The following CUL2 variants were observed in gnomAD, a reference collection of about 807,000 sequenced individuals.
CUL2 encodes cullin-2.
CUL2 carries 22 observed loss-of-function variants against 110.2 expected under a neutral mutation model. The observed-to-expected ratio is 0.20, with a 90% CI of 0.14 to 0.28. CUL2 has a LOEUF of 0.28. Ranked by LOEUF, CUL2 falls within the 10% of genes least tolerant of loss-of-function variation. CUL2 has a pLI of 1.00. For missense variants in CUL2, 631 were observed against 905.5 expected, an observed-to-expected ratio of 0.70 and a Z score of 3.89; for synonymous variants, 279 against 293.2, an observed-to-expected ratio of 0.95 and a Z score of 0.49.
intron 1 of CUL2, among the ~76,000 whole-genome samples, chr10:35,118,003 A>C (rs1442765097): frequency 6.6e-6 from 1 of 152,198 alleles, no homozygotes; most frequent in Non-Finnish European, 1.5e-5. Context: ...CTGCACCAGC[A>C]TGTTCTACTT....
intron 1 of CUL2, among the ~76,000 whole-genome samples, chr10:35,124,873 A>G (rs898453790): frequency 1.3e-5 from 2 of 152,182 alleles, no homozygotes; most frequent in Admixed American, 1.3e-4. Context: ...TGAGGAGGGA[A>G]TATAAGGGTG....
intron 14 of CUL2, among the ~76,000 whole-genome samples, chr10:35,029,875 A>G (rs1420636948): frequency 6.6e-6 from 1 of 152,226 alleles, no homozygotes; most frequent in Non-Finnish European, 1.5e-5. Context: ...ATCTAGGAAC[A>G]ATAAATCTCC....
chr10:35,048,760 A>G (rs2086015966), intron 6 of CUL2, among the ~76,000 whole-genome samples: 9 of 152,238 alleles, frequency 5.9e-5, no homozygotes, highest in Admixed American at 4.6e-4. Flanking sequence ...TCAAGTTACT[A>G]GTTGTTACCA....
chr10:35,093,388 A>G (rs987532722), upstream of CUL2, among the ~76,000 whole-genome samples: 14 of 151,898 alleles, frequency 9.2e-5, no homozygotes, highest in African/African-American at 3.4e-4. Context: ...CAATTGACAG[A>G]CTTGGTGGCT....
chr10:35,011,211 ATTTTTTT>A (rs5784437), intron 20 of CUL2, among the ~76,000 whole-genome samples: 44,064 of 133,602 alleles, frequency 0.33, 6,789 homozygotes, highest in Non-Finnish European at 0.36. Flanking sequence ...TAATTTTTTA[ATTTTTTT>A]TTTTTTTTTT....
chr10:35,080,772 T>C (rs1288825694), intron 1 of CUL2, among the ~76,000 whole-genome samples: 1 of 152,104 alleles, frequency 6.6e-6, no homozygotes, highest in Non-Finnish European at 1.5e-5. Flanking sequence ...TCTAGTAGGT[T>C]TTTTACAAAA....
At chr10:35,024,518 T>A (rs7069513) in intron 17 of CUL2, among the ~76,000 whole-genome samples, 4,518 of 152,178 alleles carry the variant, frequency 0.03, 223 homozygotes, top group African/African-American at 0.1. Context: ...AAAGAGAAAA[T>A]TCAAGTGTCT....
intron 2 of CUL2, among the ~76,000 whole-genome samples, chr10:35,067,515 T>G (rs996545608): frequency 6.6e-6 from 1 of 152,116 alleles, no homozygotes; most frequent in Non-Finnish European, 1.5e-5. Context: ...TTTAGGAGGC[T>G]GAGGTGGGGG....
chr10:35,121,288 C>T (rs1024075242), intron 1 of CUL2, among the ~76,000 whole-genome samples: 3 of 152,054 alleles, frequency 2.0e-5, no homozygotes, highest in African/African-American at 4.8e-5. Context: ...AGTGCTGTGG[C>T]GCGATCTCAG....
rs574592610 is a variant in CUL2, at chr10:35,037,651, C to T, written c.877+1269G>A. Among the ~76,000 whole-genome samples the T allele has an allele frequency of 6.6e-5, 10 of 151,786 alleles. No homozygotes were observed. In the South Asian group the frequency reaches 8.3e-4, roughly 13 times the overall value. Reference sequence around the variant, plus strand: ...ACGAGCTCAGGAGTTCGAGACCAGCCGGCCAACATAGTGAAACCTCGTCTC... The same window carrying T: ...ACGAGCTCAGGAGTTCGAGACCAGCTGGCCAACATAGTGAAACCTCGTCTC... On this transcript the variant is annotated intron_variant, in intron 9 of 20. Coordinates refer to ENST00000374749, the MANE Select transcript of CUL2 (RefSeq NM_003591.4).
At chr10:35,055,036 T>C (rs760597341) in intron 4 of CUL2, among the ~76,000 whole-genome samples, 1 of 152,236 alleles carries the variant, frequency 6.6e-6, no homozygotes, top group Non-Finnish European at 1.5e-5. Context: ...CAAGATGACT[T>C]TGTCTACCAG....
intron 1 of CUL2, among the ~76,000 whole-genome samples, chr10:35,123,113 G>C (rs1376503336): frequency 6.6e-6 from 1 of 152,068 alleles, no homozygotes; most frequent in African/African-American, 2.4e-5. Context: ...ACTCCAGCCA[G>C]GGTGACAGAG....
At chr10:35,044,064 A>AAC (rs2085871363) in intron 8 of CUL2, among the ~76,000 whole-genome samples, 2 of 143,344 alleles carry the variant, frequency 1.4e-5, no homozygotes, top group African/African-American at 5.9e-5. Context: ...AAAAAAAAAA[A>AAC]AAAAAAAAAA....
intron 2 of CUL2, among the ~76,000 whole-genome samples, chr10:35,069,162 C>T (rs547040935): frequency 8.5e-5 from 13 of 152,062 alleles, no homozygotes; most frequent in Non-Finnish European, 1.5e-4. Flanking sequence ...ACAACGTGCC[C>T]GGCCTGTACT....
At chr10:35,060,011 G>C (rs1455744486) in intron 4 of CUL2, among the ~76,000 whole-genome samples, 1 of 152,216 alleles carries the variant, frequency 6.6e-6, no homozygotes, top group Non-Finnish European at 1.5e-5. Context: ...TGTAATCCCA[G>C]CACTTTGGGA....
At chr10:35,042,161 A>T (rs2134786438) in intron 8 of CUL2, among the ~76,000 whole-genome samples, 1 of 151,972 alleles carries the variant, frequency 6.6e-6, no homozygotes, top group Non-Finnish European at 1.5e-5. Flanking sequence ...TTAAGTAACA[A>T]CTCCTCACAT....
rs1423069702 is a variant in CUL2, at chr10:35,106,165, G to A, written c.-50-5105C>T. 2.0e-5 allele frequency among the ~76,000 whole-genome samples: 3 copies of A among 152,150 alleles called. No individual in the cohort carries two copies. The East Asian group carries it at 5.8e-4, about 29-fold the overall frequency. On this transcript the variant is annotated intron_variant, in intron 1 of 5. Coordinates refer to the CUL2 transcript ENST00000685421. ...ATGGGATTAGTGCCTTTACAAAAGA[G>A]TTCCCAGAGAGCTCCCTCACTTCTT...
In CUL2 at chr10:35,071,284, C is replaced by T. The variant is rs1438342026; in HGVS notation, c.34G>A (p.Glu12Lys). 11 of 1,613,642 alleles carry T rather than the reference C, an allele frequency of 6.8e-6. No individual in the cohort carries two copies. Among genetic ancestry groups the T allele is most frequent in the African/African-American group, 4.0e-5 (3 of 74,906 alleles). ...GTCGTCAAAAGTTTGTTCCATGTTT[C>T]ATCAAAATCTACTACTCTTGGTTTC... ...SLKPRVVDFD[E>K]TWNKLLTTIK... is the part of the protein sequence containing the mutation. The change falls in exon 2 of 21, where the codon GAA (glutamate) becomes AAA (lysine). Residue 12 changes from glutamate to lysine, a missense_variant. Transcript: ENST00000374749.
intron 1 of CUL2, among the ~76,000 whole-genome samples, chr10:35,111,653 CGA>C (rs2087525368): frequency 6.6e-6 from 1 of 152,140 alleles, no homozygotes; most frequent in African/African-American, 2.4e-5. Flanking sequence ...TTTGGGATGC[CGA>C]GACGGGTGGA....
Sources: gnomAD v4.1 joint callset for allele counts (sites outside exome capture counted in the v4.1 genomes callset) on GRCh38, gnomAD v4.1.1 for gene constraint, MANE v1.5 for transcripts, NCBI Gene and HGNC (gene_info 2026-07-23, HGNC 2026-07-21) for gene names.